The following NCKAP1 variants were observed in gnomAD, a reference collection of about 807,000 sequenced individuals.
NCKAP1 encodes nck-associated protein 1.
In NCKAP1, 21 loss-of-function variants were observed where a neutral mutation model predicts 151.2. The observed-to-expected ratio is 0.14, with a 90% CI of 0.10 to 0.20. NCKAP1 has a LOEUF of 0.20. NCKAP1 is among the 10% of genes least tolerant of loss of function. The pLI is 1.00. For missense variants in NCKAP1, 933 were observed against 1,352.1 expected, an observed-to-expected ratio of 0.69 and a Z score of 4.86; for synonymous variants, 484 against 451.8, an observed-to-expected ratio of 1.07 and a Z score of -0.90.
intron 29 of NCKAP1, among the ~76,000 whole-genome samples, chr2:182,927,596 G>A (rs1024225352): frequency 5.3e-5 from 8 of 152,018 alleles, no homozygotes; most frequent in Admixed American, 5.3e-4. Context: ...CATGTTTCAT[G>A]AGGCTACATT....
At position 182,937,114 on chromosome 2, in the gene NCKAP1, CAAAAAAAAAAAAAAAA is replaced by C. The variant is rs67087110; in HGVS notation, c.2696-1755_2696-1740del. Among the ~76,000 whole-genome samples the C allele has an allele frequency of 1.7e-4, 14 of 80,838 alleles. 1 individual carries two copies. Among genetic ancestry groups the C allele is most frequent in the South Asian group, 1.2e-3 (2 of 1,702 alleles). 53.0% of individuals were successfully genotyped at this position (80,838 alleles called of 152,430 possible). A position where few individuals can be genotyped will look rare whatever the true frequency, so the allele number is the denominator to read the frequency against. ...TAGGCAACAGAGCAAGACTGTCTCA[CAAAAAAAAAAAAAAAA>C]AAAAAAAAAAAAAGATTCACACTAG... On this transcript the variant is annotated intron_variant, in intron 24 of 30. Coordinates refer to ENST00000361354, the MANE Select transcript of NCKAP1 (RefSeq NM_013436.5).
At position 182,967,206 on chromosome 2, in the gene NCKAP1, T is replaced by G; in HGVS notation, c.1628+10A>C. 3 of 1,591,628 alleles carry G rather than the reference T, an allele frequency of 1.9e-6. No homozygotes were observed. Among genetic ancestry groups the G allele is most frequent in the South Asian group, 2.3e-5 (2 of 86,450 alleles). ...TTTCAAATCCAGATTTAGAGAAAAT[T>G]ACAACATACCAAAATATGGAGAGAT... On this transcript the variant is annotated intron_variant, in intron 16 of 30. Transcript: ENST00000361354.
intron 15 of NCKAP1, among the ~76,000 whole-genome samples, chr2:182,972,224 CAAAAAAAAAA>C (rs56834438): frequency 7.4e-5 from 5 of 67,706 alleles, no homozygotes; most frequent in Non-Finnish European, 1.3e-4. Context: ...AGCTTAATAG[CAAAAAAAAAA>C]AAAAAAAAAA....
At chr2:182,946,052 A>G (rs1361278342) in intron 23 of NCKAP1, among the ~76,000 whole-genome samples, 2 of 152,200 alleles carry the variant, frequency 1.3e-5, no homozygotes, top group Non-Finnish European at 2.9e-5. Context: ...GGGAATTAAC[A>G]CAGAAAGAGA....
chr2:183,031,448 A>G (rs1699002378), intron 1 of NCKAP1, among the ~76,000 whole-genome samples: 1 of 152,234 alleles, frequency 6.6e-6, no homozygotes, highest in Non-Finnish European at 1.5e-5. Flanking sequence ...TGTGGAACAC[A>G]TACTTCTGAA....
intron 13 of NCKAP1, 73 bp from the exon 14 acceptor site, chr2:182,978,988 A>G: frequency 1.0e-6 from 1 of 964,852 alleles, no homozygotes; most frequent in Non-Finnish European, 1.6e-6. Flanking sequence ...CAATTAGTGG[A>G]CGGATAAACA....
chr2:182,977,853 T>C (rs1263168464), intron 14 of NCKAP1, among the ~76,000 whole-genome samples: 2 of 152,222 alleles, frequency 1.3e-5, no homozygotes, highest in African/African-American at 4.8e-5. Context: ...GATGGTCAAT[T>C]TTATGTGTAT....
chr2:182,994,760 T>C (rs1170415738), intron 8 of NCKAP1, 79 bp downstream of exon 8: 5 of 1,130,646 alleles, frequency 4.4e-6, no homozygotes, highest in Non-Finnish European at 6.7e-6. Flanking sequence ...AGCACAGAGG[T>C]AGTAACCATG....
chr2:182,970,625 TAA>T (rs1420616392), intron 15 of NCKAP1, among the ~76,000 whole-genome samples: 1 of 151,780 alleles, frequency 6.6e-6, no homozygotes, highest in East Asian at 1.9e-4. Flanking sequence ...AAGAAAACAA[TAA>T]AGGCCATAGA....
At chr2:182,993,274 T>C (rs1399490060) in intron 8 of NCKAP1, among the ~76,000 whole-genome samples, 2 of 152,218 alleles carry the variant, frequency 1.3e-5, no homozygotes, top group African/African-American at 4.8e-5. Context: ...GCAGTAAGTT[T>C]TGCTTTTTGG....
At chr2:182,997,051 GTC>G (rs1264991390) in intron 6 of NCKAP1, among the ~76,000 whole-genome samples, 4 of 152,152 alleles carry the variant, frequency 2.6e-5, no homozygotes, top group African/African-American at 9.7e-5. Context: ...GTTCCTAGTA[GTC>G]TCTGATAATA....
intron 2 of NCKAP1, among the ~76,000 whole-genome samples, chr2:183,007,030 C>T (rs1479387876): frequency 6.6e-6 from 1 of 152,160 alleles, no homozygotes; most frequent in African/African-American, 2.4e-5. Flanking sequence ...CACCATACAT[C>T]CAGCTAATTT....
At chr2:182,942,604 A>T (rs1476680274) in intron 23 of NCKAP1, among the ~76,000 whole-genome samples, 1 of 152,096 alleles carries the variant, frequency 6.6e-6, no homozygotes, top group Non-Finnish European at 1.5e-5. Flanking sequence ...TAGAGGGAGA[A>T]TGACTTGTTA....
At chr2:182,990,202 T>C (rs1698139741) in intron 8 of NCKAP1, among the ~76,000 whole-genome samples, 1 of 151,736 alleles carries the variant, frequency 6.6e-6, no homozygotes. Flanking sequence ...TATTCTTTCT[T>C]TTTTTTTCTC....
chr2:182,985,748 A>G (rs1698043009), intron 10 of NCKAP1, among the ~76,000 whole-genome samples: 1 of 150,900 alleles, frequency 6.6e-6, no homozygotes, highest in Non-Finnish European at 1.5e-5. Context: ...GACTGCAGTG[A>G]GCCGAGATGG....
chr2:182,938,398 T>TA (rs1456419118), intron 24 of NCKAP1, among the ~76,000 whole-genome samples: 1 of 151,832 alleles, frequency 6.6e-6, no homozygotes, highest in Non-Finnish European at 1.5e-5. Flanking sequence ...AAAGCTTTAA[T>TA]AAAAAGGAGA....
At chr2:182,982,748 C>T (rs1559092659) in intron 12 of NCKAP1, 73 bp downstream of exon 12, 11 of 930,620 alleles carry the variant, frequency 1.2e-5, no homozygotes, top group African/African-American at 1.7e-5. Flanking sequence ...ATAGGTCTAT[C>T]AGGACATAAC....
intron 17 of NCKAP1, among the ~76,000 whole-genome samples, 180 bp from the exon 18 acceptor site, chr2:182,962,458 A>G (rs1300866093): frequency 2.0e-5 from 3 of 152,230 alleles, no homozygotes; most frequent in African/African-American, 7.2e-5. Context: ...GTATTTGAAC[A>G]TAAATGACAA....
intron 6 of NCKAP1, among the ~76,000 whole-genome samples, chr2:182,998,248 C>T (rs1010125710): frequency 5.9e-5 from 9 of 152,024 alleles, no homozygotes; most frequent in African/African-American, 1.9e-4. Context: ...GAAGCTTTCC[C>T]GTAAGAACTG....
Sources: gnomAD v4.1 joint callset for allele counts (sites outside exome capture counted in the v4.1 genomes callset) on GRCh38, gnomAD v4.1.1 for gene constraint, MANE v1.5 for transcripts, NCBI Gene and HGNC (gene_info 2026-07-23, HGNC 2026-07-21) for gene names.